The following C8orf34 variants were observed in gnomAD, a reference collection of about 807,000 sequenced individuals.
C8orf34 encodes uncharacterized protein C8orf34.
Under a neutral mutation model 68.3 loss-of-function variants are expected in C8orf34, and 65 were observed. The observed-to-expected ratio is 0.95, with a 90% CI of 0.78 to 1.17. The LOEUF is 1.17. Ranked by LOEUF, C8orf34 falls within the 50% of genes most tolerant of loss-of-function variation. The pLI is 0.00. For missense variants in C8orf34, 664 were observed against 655.4 expected, an observed-to-expected ratio of 1.01 and a Z score of -0.14; for synonymous variants, 244 against 241.2, an observed-to-expected ratio of 1.01 and a Z score of -0.11.
chr8:68,615,502 GT>G (rs1041541677), intron 7 of C8orf34, among the ~76,000 whole-genome samples: 65 of 152,288 alleles, frequency 4.3e-4, no homozygotes, highest in African/African-American at 1.4e-3. Context: ...AGCATGAAGG[GT>G]TGCTGAATTT....
intron 8 of C8orf34, among the ~76,000 whole-genome samples, chr8:68,648,067 A>G (rs760625851): frequency 8.5e-5 from 13 of 152,198 alleles, no homozygotes; most frequent in Non-Finnish European, 1.9e-4. Flanking sequence ...TGTAGGATAT[A>G]GTAGTGGTTC....
At chr8:68,793,753 A>G (rs1824080840) in intron 12 of C8orf34, among the ~76,000 whole-genome samples, 1 of 152,154 alleles carries the variant, frequency 6.6e-6, no homozygotes, top group South Asian at 2.1e-4. Context: ...CCACCATGGC[A>G]CACATTTACC....
chr8:68,600,917 G>A (rs192834700), intron 7 of C8orf34, among the ~76,000 whole-genome samples: 31 of 151,886 alleles, frequency 2.0e-4, no homozygotes, highest in Admixed American at 1.2e-3. Context: ...TCTCCTCCTC[G>A]CACACACACT....
chr8:68,666,668 G>T (rs1249484960), intron 8 of C8orf34, among the ~76,000 whole-genome samples: 2 of 152,054 alleles, frequency 1.3e-5, no homozygotes, highest in Non-Finnish European at 2.9e-5. Context: ...CTGCAGAACT[G>T]TTTTTGTCTC....
At position 68,712,086 on chromosome 8, in the gene C8orf34, A is replaced by G. The variant is rs146017423; in HGVS notation, c.1327+3007A>G. Among the ~76,000 whole-genome samples the G allele has an allele frequency of 9.0e-3, 1,377 of 152,338 alleles. 11 individuals are homozygous for G. Among genetic ancestry groups the G allele is most frequent in the Non-Finnish European group, 0.012 (810 of 68,024 alleles). ...CAAGAATGTTATATTCAGAGAAACT[A>G]AGCTTCATAAATGAAGGAAAGATAC... is the stretch of plus-strand genomic sequence containing the variant. On this transcript the variant is annotated intron_variant, in intron 9 of 13. Transcript: ENST00000518698.
chr8:68,739,194 A>G (rs1246539750), intron 10 of C8orf34, among the ~76,000 whole-genome samples: 1 of 152,094 alleles, frequency 6.6e-6, no homozygotes, highest in Non-Finnish European at 1.5e-5. Flanking sequence ...AAGAAACTAC[A>G]TGATTATCTC....
chr8:68,565,217 C>T (rs1816550064), intron 7 of C8orf34, among the ~76,000 whole-genome samples: 1 of 152,070 alleles, frequency 6.6e-6, no homozygotes, highest in Non-Finnish European at 1.5e-5. Context: ...TTGGGTTTGT[C>T]TCTAGCACTG....
At position 68,439,597 on chromosome 8, in the gene C8orf34, A is replaced by G. The variant is rs778486798; in HGVS notation, c.426A>G (p.Gln142=). The part of the protein sequence containing the change: ...QSKQGNRGQL[Q]RTLSGSAALW... ...AACAAGGGAACCGTGGACAACTTCA[A>G]AGAACTTTGTCTGGATCTGCAGCTC... The change falls in exon 2 of 14, where the codon CAA becomes CAG. Residue 142 remains glutamine, a synonymous_variant. Coordinates refer to ENST00000518698, the MANE Select transcript of C8orf34 (RefSeq NM_052958.4). 5.6e-6 allele frequency: 9 copies of G among 1,613,674 alleles called. No homozygotes were observed. The South Asian group carries it at 7.7e-5, about 14-fold the overall frequency.
intron 8 of C8orf34, among the ~76,000 whole-genome samples, chr8:68,696,351 A>ATT (rs1454897952): frequency 2.6e-4 from 38 of 148,532 alleles, no homozygotes; most frequent in Admixed American, 2.4e-3. Context: ...TTATATATTG[A>ATT]TTATATATAT....
chr8:68,448,300 A>G (rs2129627050), intron 3 of C8orf34, among the ~76,000 whole-genome samples: 1 of 152,246 alleles, frequency 6.6e-6, no homozygotes, highest in Middle Eastern at 3.4e-3. Context: ...GTTTCACTAG[A>G]CTGTTACCAA....
At chr8:68,760,575 A>T (rs1265300337) in intron 10 of C8orf34, among the ~76,000 whole-genome samples, 1 of 152,198 alleles carries the variant, frequency 6.6e-6, no homozygotes, top group Non-Finnish European at 1.5e-5. Flanking sequence ...GAAATGAACT[A>T]ATTTATCTGA....
chr8:68,399,691 G>A (rs963879784), intron 1 of C8orf34, among the ~76,000 whole-genome samples: 3 of 152,078 alleles, frequency 2.0e-5, no homozygotes, highest in African/African-American at 7.2e-5. Flanking sequence ...TGGGATTGCT[G>A]GATCAAATGG....
intron 6 of C8orf34, among the ~76,000 whole-genome samples, chr8:68,527,336 G>A (rs1815043892): frequency 6.6e-6 from 1 of 152,188 alleles, no homozygotes; most frequent in South Asian, 2.1e-4. Flanking sequence ...GCTCTGGGAG[G>A]CCGAGGCGGG....
rs531856887 is a variant in C8orf34, at chr8:68,595,436, G to A, written c.1106-44940G>A. Among the ~76,000 whole-genome samples the A allele has an allele frequency of 6.6e-5, 10 of 152,162 alleles. No homozygotes were observed. In the South Asian group the frequency reaches 2.1e-3, roughly 32 times the overall value. ...ATGTAAATATTGTTGCTATTGAAAA[G>A]TCTGATGTTGTTTTGGTTGGTTTTT... is the stretch of plus-strand genomic sequence containing the variant. On this transcript the variant is annotated intron_variant, in intron 7 of 13. Transcript: ENST00000518698.
chr8:68,533,730 T>C, intron 7 of C8orf34: 1 of 942,876 alleles, frequency 1.1e-6, no homozygotes, highest in Non-Finnish European at 1.3e-6. Flanking sequence ...TATTTTTTAA[T>C]GTAGTATATG....
At chr8:68,775,820 G>T (rs1823499311) in intron 10 of C8orf34, among the ~76,000 whole-genome samples, 1 of 152,154 alleles carries the variant, frequency 6.6e-6, no homozygotes, top group South Asian at 2.1e-4. Flanking sequence ...TTGTTAACAT[G>T]AATTAAGATC....
chr8:68,613,238 A>C (rs1405564963), intron 7 of C8orf34, among the ~76,000 whole-genome samples: 1 of 152,102 alleles, frequency 6.6e-6, no homozygotes, highest in Non-Finnish European at 1.5e-5. Flanking sequence ...CTGTGGTCTG[A>C]ATTTATCTTG....
intron 10 of C8orf34, among the ~76,000 whole-genome samples, chr8:68,771,187 C>T (rs112822064): frequency 2.6e-5 from 4 of 152,230 alleles, no homozygotes; most frequent in African/African-American, 9.6e-5. Context: ...AAGACTTGAG[C>T]TTTCTAAAAA....
intron 7 of C8orf34, among the ~76,000 whole-genome samples, chr8:68,563,377 G>A (rs1345280809): frequency 6.6e-6 from 1 of 152,092 alleles, no homozygotes. Context: ...GCAAAGAGAG[G>A]TTCAGACTGA....
Sources: allele counts gnomAD v4.1 joint callset (sites outside exome capture counted in the v4.1 genomes callset), GRCh38; gene constraint gnomAD v4.1.1; transcripts MANE v1.5; gene names NCBI Gene and HGNC (gene_info 2026-07-23, HGNC 2026-07-21).